The following CLIC5 variants were observed in gnomAD, a reference collection of about 807,000 sequenced individuals.
CLIC5 encodes the protein chloride intracellular channel protein 5.
CLIC5 carries 20 observed loss-of-function variants against 24.7 expected under a neutral mutation model. The observed-to-expected ratio is 0.81, with a 90% CI of 0.57 to 1.18. The LOEUF is 1.18. Ranked by LOEUF, CLIC5 falls within the 50% of genes most tolerant of loss-of-function variation. CLIC5 has a pLI of 0.00. For missense variants in CLIC5, 341 were observed against 326.1 expected (o/e 1.05, Z -0.35); for synonymous variants, 159 against 135.6 (o/e 1.17, Z -1.20).
At chr6:46,031,105 A>G (rs572053580) in intron 1 of CLIC5, among the ~76,000 whole-genome samples, 1 of 152,314 alleles carries the variant, frequency 6.6e-6, no homozygotes, top group African/African-American at 2.4e-5. Context: ...TTATTCAACA[A>G]ATATTTATTA....
chr6:46,022,283 A>G (rs890228468), intron 1 of CLIC5, among the ~76,000 whole-genome samples: 1 of 152,190 alleles, frequency 6.6e-6, no homozygotes, highest in African/African-American at 2.4e-5. Flanking sequence ...GTGCAATCAC[A>G]TTATTAGTCA....
the CLIC5 span, among the ~76,000 whole-genome samples, chr6:46,121,931 C>T: frequency 1.3e-5 from 2 of 152,286 alleles, no homozygotes; most frequent in South Asian, 2.1e-4. Flanking sequence ...ATTCATAAAG[C>T]AAGTCCTTAC....
At position 45,955,290 on chromosome 6, in the gene CLIC5, C is replaced by A. The variant is rs1363349017; in HGVS notation, c.64-46G>T. ...GTCCTGAGTGGGCAGGTGCAATTAG[C>A]AAGGGGAACATAAGATTGTAACACC... On this transcript the variant is annotated intron_variant, in intron 1 of 5. Transcript: ENST00000339561. 4.3e-6 allele frequency: 6 copies of A among 1,381,612 alleles called. No individual in the cohort carries two copies. The East Asian group carries it at 1.1e-4, about 26-fold the overall frequency. The allele number at this position is 1,381,612 out of a possible 1,614,324, so 85.6% of individuals were successfully genotyped here. A position where few individuals can be genotyped will look rare whatever the true frequency, so the allele number is the denominator to read the frequency against.
At chr6:46,039,510 G>A (rs1250124047) in intron 1 of CLIC5, among the ~76,000 whole-genome samples, 3 of 151,554 alleles carry the variant, frequency 2.0e-5, no homozygotes, top group African/African-American at 7.3e-5. Flanking sequence ...ATAAATTTTG[G>A]TCAAAGCAAA....
At chr6:45,958,143 C>T (rs1458645303) in intron 1 of CLIC5, among the ~76,000 whole-genome samples, 1 of 151,804 alleles carries the variant, frequency 6.6e-6, no homozygotes, top group African/African-American at 2.4e-5. Flanking sequence ...GATGTCCTTA[C>T]AAGAAGAGGG....
At chr6:45,934,608 G>A (rs1478848199) in intron 4 of CLIC5, among the ~76,000 whole-genome samples, 6 of 152,242 alleles carry the variant, frequency 3.9e-5, no homozygotes, top group Non-Finnish European at 8.8e-5. Context: ...CTAGGGGAAA[G>A]GGAGTCCTGT....
At chr6:45,892,746 G>A (rs1762364028) in intron 6 of CLIC5, among the ~76,000 whole-genome samples, 1 of 152,130 alleles carries the variant, frequency 6.6e-6, no homozygotes, top group African/African-American at 2.4e-5. Flanking sequence ...TGTCCATGTT[G>A]TCTTTCTTCA....
chr6:45,921,491 C>T (rs138317776), intron 4 of CLIC5, among the ~76,000 whole-genome samples: 16 of 152,258 alleles, frequency 1.1e-4, no homozygotes, highest in African/African-American at 3.9e-4. Context: ...CACAGGTTCA[C>T]ATCATCTAGT....
chr6:45,952,700 A>T (rs903543105), intron 2 of CLIC5, among the ~76,000 whole-genome samples: 5 of 152,312 alleles, frequency 3.3e-5, no homozygotes, highest in Admixed American at 1.3e-4. Flanking sequence ...TGCCTGGTCT[A>T]CGTCAAAGGG....
chr6:46,120,062 T>G, the CLIC5 span, among the ~76,000 whole-genome samples: 7 of 152,302 alleles, frequency 4.6e-5, no homozygotes, highest in East Asian at 1.2e-3. Context: ...AATGTCCCTG[T>G]CTAACAGCTT....
rs1562028673 is a variant in CLIC5 at position 46,057,732 on chromosome 6, C to T, written c.540+21971G>A. ...CTTGGCTGGATACCAGAACCATCCC[C>T]ACCCCTACAAACTAGCCAGGTGCCC... On this transcript the variant is annotated intron_variant, in intron 1 of 5. Coordinates refer to the CLIC5 transcript ENST00000185206. 2.6e-5 allele frequency among the ~76,000 whole-genome samples: 4 copies of T among 152,214 alleles called. No homozygotes were observed. The South Asian group carries it at 8.3e-4, about 32-fold the overall frequency.
chr6:46,112,124 T>C, the CLIC5 span, among the ~76,000 whole-genome samples: 46 of 152,258 alleles, frequency 3.0e-4, no homozygotes, highest in Middle Eastern at 3.4e-3. Context: ...TATACTTATT[T>C]GACATATTTT....
rs1763399757 is a variant in CLIC5 at position 45,924,527 on chromosome 6, A to C, written c.407-10118T>G. ...TCTCCTAAAGTTTGAAGTGTGTAGC[A>C]AATTAAATGTGCAATTTTATACTTC... On this transcript the variant is annotated intron_variant, in intron 4 of 5. Coordinates refer to ENST00000339561, the MANE Select transcript of CLIC5 (RefSeq NM_016929.5). Among the ~76,000 whole-genome samples the C allele has an allele frequency of 2.0e-5, 3 of 152,160 alleles. No individual in the cohort carries two copies. The South Asian group carries it at 6.2e-4, about 32-fold the overall frequency.
At chr6:45,990,004 T>C (rs764026942) in intron 1 of CLIC5, among the ~76,000 whole-genome samples, 65 of 152,302 alleles carry the variant, frequency 4.3e-4, no homozygotes, top group Middle Eastern at 6.8e-3. Flanking sequence ...TGAATCCCTA[T>C]GCACAAGACC....
At chr6:46,010,628 C>T (rs1190995482) in intron 1 of CLIC5, among the ~76,000 whole-genome samples, 1 of 152,166 alleles carries the variant, frequency 6.6e-6, no homozygotes, top group Non-Finnish European at 1.5e-5. Flanking sequence ...CACAAGTCAT[C>T]AGGGATGCAG....
intron 1 of CLIC5, among the ~76,000 whole-genome samples, chr6:46,031,639 T>G (rs2127455894): frequency 6.6e-6 from 1 of 152,140 alleles, no homozygotes; most frequent in Non-Finnish European, 1.5e-5. Context: ...AGAGGTCCAC[T>G]GATAGGAAAC....
At chr6:45,996,313 G>A (rs1766137370) in intron 1 of CLIC5, among the ~76,000 whole-genome samples, 1 of 151,966 alleles carries the variant, frequency 6.6e-6, no homozygotes, top group Non-Finnish European at 1.5e-5. Flanking sequence ...TCACTCTGAT[G>A]GTAGTTTCTT....
intron 1 of CLIC5, among the ~76,000 whole-genome samples, chr6:45,969,270 C>T (rs886568160): frequency 6.6e-6 from 1 of 152,168 alleles, no homozygotes; most frequent in Non-Finnish European, 1.5e-5. Context: ...CTGTAGATTG[C>T]AAGGAAAATC....
intron 2 of CLIC5, among the ~76,000 whole-genome samples, chr6:45,953,332 A>G (rs757082431): frequency 1.8e-4 from 27 of 152,172 alleles, no homozygotes; most frequent in Non-Finnish European, 2.8e-4. Flanking sequence ...ACAAGGCAAC[A>G]TAGACAACAG....
Sources: allele counts gnomAD v4.1 joint callset (sites outside exome capture counted in the v4.1 genomes callset), GRCh38; gene constraint gnomAD v4.1.1; transcripts MANE v1.5; gene names NCBI Gene and HGNC (gene_info 2026-07-23, HGNC 2026-07-21).